Variants in TTC14 observed in about 807,000 individuals in gnomAD.
TTC14 encodes tetratricopeptide repeat protein 14.
A neutral mutation model predicts 79.9 loss-of-function variants in TTC14; 63 were observed. That is an observed-to-expected ratio of 0.79 (90% CI 0.64 to 0.97). The LOEUF (loss-of-function observed/expected upper bound fraction) is 0.97. TTC14 is among the 50% of genes least tolerant of loss of function. TTC14 has a pLI of 0.00. For synonymous variants in TTC14, 335 were observed against 309.6 expected (o/e 1.08, Z -0.86); for missense variants, 895 against 894.0 (o/e 1.00, Z -0.01).
chr3:180,617,011 A>C, intron 12 of TTC14: 1 of 1,002,470 alleles, frequency 1.0e-6, no homozygotes, highest in Non-Finnish European at 1.4e-6. Context: ...TCAGAAATTG[A>C]CTTTTATAAC....
intron 1 of TTC14, chr3:180,602,629 G>T (rs576013062): frequency 2.7e-4 from 200 of 735,228 alleles, no homozygotes; most frequent in Middle Eastern, 2.4e-3. Flanking sequence ...CTCTGGCACT[G>T]CTTGGTAGAG....
In TTC14 at chr3:180,609,794, G is replaced by T. The variant is rs753970260; in HGVS notation, c.1565G>T (p.Arg522Met). The change falls in exon 12 of 12, where the codon AGG becomes ATG. Residue 522 changes from arginine to methionine, a missense_variant. Physicochemically the swap from Arg to Met is moderately conservative, Grantham distance 91. Transcript: ENST00000296015. ...CGCAGTTCCAGAAGGCATTCATCTA[G>T]GGCATCCTCAAATCAGATAGATCAG... ...SSRSSRRHSS[R>M]ASSNQIDQNR... The T allele has an allele frequency of 2.5e-6, 4 of 1,613,846 alleles. No individual in the cohort carries two copies. The highest frequency in any genetic ancestry group is 3.4e-6 in the Non-Finnish European group (4 of 1,179,868).
At chr3:180,609,252 A>AC (rs1716857684) in intron 11 of TTC14, 11 of 272,512 alleles carry the variant, frequency 4.0e-5, no homozygotes, top group South Asian at 1.1e-4. Context: ...TCCCACCCGC[A>AC]CCCCCACCCC....
Position 180,610,194 on chromosome 3 carries a change from A to G in TTC14, c.1965A>G (p.Lys655=). 1 of 1,613,906 alleles carries G rather than the reference A, an allele frequency of 6.2e-7. No homozygotes were observed. Among genetic ancestry groups the G allele is most frequent in the African/African-American group, 1.3e-5 (1 of 75,034 alleles). ...RRFEKDIEGR[K]EHYRRWEPGS... ...TTGAAAAGGATATAGAGGGAAGAAA[A>G]GAGCACTATAGAAGGTGGGAACCAG... Residue 655 remains lysine, a synonymous_variant, in exon 12 of 12, where the codon AAA becomes AAG. Coordinates refer to ENST00000296015, the MANE Select transcript of TTC14 (RefSeq NM_133462.4).
chr3:180,614,887 G>A (rs959085488), downstream of TTC14: 5 of 1,513,012 alleles, frequency 3.3e-6, no homozygotes, highest in African/African-American at 4.2e-5. Context: ...TTTTGTTTTT[G>A]TGTTTACAAC....
At chr3:180,616,338 C>T in intron 12 of TTC14, 1 of 1,613,080 alleles carries the variant, frequency 6.2e-7, no homozygotes, top group Non-Finnish European at 8.5e-7. Flanking sequence ...GCCTTTTGTG[C>T]TAGCTGTAGG....
rs777030873 is a variant in TTC14, at chr3:180,616,821, G to A, written c.1775-559G>A. On this transcript the variant is annotated intron_variant, in intron 12 of 12. Coordinates refer to the TTC14 transcript ENST00000382584. ...GAAAGGTCAGTTTTTAAAAGATATC[G>A]ATACCTGTTTGGTCACTCTTTCTAA... 1.3e-5 allele frequency: 21 copies of A among 1,608,650 alleles called. No homozygotes were observed. Among genetic ancestry groups the A allele is most frequent in the Admixed American group, 3.4e-5 (2 of 59,614 alleles).
intron 11 of TTC14, chr3:180,609,356 G>A (rs539802891): frequency 9.4e-7 from 1 of 1,065,662 alleles, no homozygotes; most frequent in South Asian, 4.0e-5. Flanking sequence ...TCTCCTTTAT[G>A]TGTTCAGTAG....
Position 180,610,729 on chromosome 3 carries a change from G to A in TTC14, c.*187G>A. On this transcript the variant is annotated 3_prime_UTR_variant, in exon 12 of 12. Transcript: ENST00000296015. ...AGTTCTAGGTCCCTTGTCACAGCTT[G>A]GTTTTTAGACTTTTTATGTATATGT... 7.6e-7 allele frequency: 1 copy of A among 1,307,712 alleles called. No individual in the cohort carries two copies. 81.0% of individuals were successfully genotyped at this position (1,307,712 alleles called of 1,614,324 possible).
At chr3:180,607,950 G>T in intron 10 of TTC14, 185 bp downstream of exon 10, 2 of 1,344,746 alleles carry the variant, frequency 1.5e-6, no homozygotes, top group Non-Finnish European at 9.5e-7. Context: ...GTCCATAATC[G>T]AAAGTAAAGA....
intron 7 of TTC14, 28 bp downstream of exon 7, chr3:180,605,865 A>T: frequency 6.4e-7 from 1 of 1,567,600 alleles, no homozygotes; most frequent in Non-Finnish European, 8.6e-7. Flanking sequence ...CAACAATTGC[A>T]TTATATCTAG....
intron 4 of TTC14, 35 bp from the exon 5 acceptor site, chr3:180,604,443 C>G (rs748155120): frequency 3.2e-6 from 5 of 1,567,840 alleles, no homozygotes; most frequent in Non-Finnish European, 4.3e-6. Flanking sequence ...CATTTTCTTA[C>G]TAATCAGCTT....
rs1269176357 is a variant in TTC14, at chr3:180,609,630, GCTAAAGAA to G, written c.1402_1409del (p.Leu468GlufsTer15). The G allele has an allele frequency of 6.5e-7, 1 of 1,540,490 alleles. No individual in the cohort carries two copies. Among genetic ancestry groups the G allele is most frequent in the Non-Finnish European group, 8.7e-7 (1 of 1,150,678 alleles). Reference sequence around the variant, plus strand: ...ATGACAAATGAACTGTTTTTTTTAGGCTAAAGAAGAAAAGAAGAAAATCAACTTCTTCT... The same window carrying G: ...ATGACAAATGAACTGTTTTTTTTAGGGAAAAGAAGAAAATCAACTTCTTCT... On this transcript the variant is annotated frameshift_variant and splice_region_variant, in exon 12 of 12. Coordinates refer to ENST00000296015, the MANE Select transcript of TTC14 (RefSeq NM_133462.4). LOFTEE classifies it high-confidence loss of function.
At chr3:180,608,674 T>C in intron 10 of TTC14, 27 bp from the exon 11 acceptor site, 1 of 1,484,376 alleles carries the variant, frequency 6.7e-7, no homozygotes, top group Non-Finnish European at 8.9e-7. Flanking sequence ...TAACGTGTGG[T>C]TTTTTTCGAT....
At chr3:180,602,535 G>A (rs1716422176) in intron 1 of TTC14, 113 bp downstream of exon 1, 1 of 1,362,714 alleles carries the variant, frequency 7.3e-7, no homozygotes, top group Admixed American at 2.7e-5. Flanking sequence ...CGTGAGCACA[G>A]GACGATCGCG....
chr3:180,614,481 T>A (rs1170448749), downstream of TTC14: 1 of 153,244 alleles, frequency 6.5e-6, no homozygotes, highest in African/African-American at 2.4e-5. Flanking sequence ...TGAGAAATAG[T>A]TACTTTGAAT....
chr3:180,613,301 CTT>C (rs758624537), downstream of TTC14, among the ~76,000 whole-genome samples: 2 of 152,168 alleles, frequency 1.3e-5, no homozygotes, highest in Non-Finnish European at 2.9e-5. Context: ...TGAAGCATGA[CTT>C]TTGGATATGA....
chr3:180,612,855 G>T (rs1717081682), downstream of TTC14, among the ~76,000 whole-genome samples: 1 of 152,158 alleles, frequency 6.6e-6, no homozygotes, highest in African/African-American at 2.4e-5. Flanking sequence ...TATGCATCAG[G>T]CAGGGGACTC....
chr3:180,606,022 A>G, intron 7 of TTC14, 185 bp downstream of exon 7: 1 of 815,654 alleles, frequency 1.2e-6, no homozygotes, highest in African/African-American at 1.7e-5. Flanking sequence ...AGTTTTACTC[A>G]GCATTTCAGT....
Sources: allele counts gnomAD v4.1 joint callset (sites outside exome capture counted in the v4.1 genomes callset), GRCh38; gene constraint gnomAD v4.1.1; transcripts MANE v1.5; gene names NCBI Gene and HGNC (gene_info 2026-07-23, HGNC 2026-07-21).